TJP1: variants seen among roughly 807,000 people sequenced by gnomAD.
TJP1 encodes the protein tight junction protein ZO-1.
TJP1 carries 43 observed loss-of-function variants against 194.2 expected under a neutral mutation model. That is an observed-to-expected ratio of 0.22 (90% CI 0.17 to 0.29). The LOEUF (loss-of-function observed/expected upper bound fraction) is 0.29, where lower values mean the gene tolerates loss of function less well. Ranked by LOEUF, TJP1 falls within the 10% of genes least tolerant of loss-of-function variation. The probability of loss-of-function intolerance (pLI) is 1.00; values close to 1 mark genes in which losing one functional copy is unlikely to be tolerated. For synonymous variants in TJP1, 801 were observed against 779.0 expected (o/e 1.03, Z -0.47); for missense variants, 1,971 against 2,185.7 (o/e 0.90, Z 1.96).
At chr15:29,888,216 G>A (rs1828850224) in intron 2 of TJP1, among the ~76,000 whole-genome samples, 1 of 151,766 alleles carries the variant, frequency 6.6e-6, no homozygotes, top group Admixed American at 6.6e-5. Context: ...ATATATGAAA[G>A]TATTAAAATA....
At chr15:29,965,596 C>T (rs1006040925) in intron 1 of TJP1, among the ~76,000 whole-genome samples, 1 of 152,214 alleles carries the variant, frequency 6.6e-6, no homozygotes, top group Non-Finnish European at 1.5e-5. Flanking sequence ...CCACCCACCA[C>T]TCTAGAGTCA....
At chr15:29,800,370 TAC>T (rs2048703251) in intron 2 of TJP1, 1 of 440,916 alleles carries the variant, frequency 2.3e-6, no homozygotes, top group East Asian at 4.2e-5. Flanking sequence ...TATACTAATG[TAC>T]AGAGTCTTTT....
chr15:29,825,781 C>G (rs970907757), upstream of TJP1, among the ~76,000 whole-genome samples: 1 of 152,132 alleles, frequency 6.6e-6, no homozygotes, highest in Non-Finnish European at 1.5e-5. Flanking sequence ...AGCACTTTAT[C>G]AAGATGTTAT....
At chr15:29,880,028 A>T (rs1278393927) in intron 2 of TJP1, among the ~76,000 whole-genome samples, 38 of 152,356 alleles carry the variant, frequency 2.5e-4, no homozygotes, top group Non-Finnish European at 1.2e-4. Flanking sequence ...CCTCAAAAAA[A>T]TTATCATTAG....
intron 2 of TJP1, among the ~76,000 whole-genome samples, chr15:29,873,479 T>G (rs574564409): frequency 3.9e-5 from 6 of 152,348 alleles, no homozygotes; most frequent in African/African-American, 1.2e-4. Context: ...CTGCTACAAC[T>G]CTGTGTGCAA....
At chr15:29,803,507 G>T (rs572302132) in intron 1 of TJP1, among the ~76,000 whole-genome samples, 1 of 152,234 alleles carries the variant, frequency 6.6e-6, no homozygotes, top group Non-Finnish European at 1.5e-5. Flanking sequence ...TGTATTAAAT[G>T]CATTTTTGAC....
At chr15:29,864,336 G>C (rs529579693) in intron 2 of TJP1, among the ~76,000 whole-genome samples, 9 of 149,164 alleles carry the variant, frequency 6.0e-5, no homozygotes, top group African/African-American at 2.2e-4. Flanking sequence ...GGGTGAACCC[G>C]GGAGTCAGTA....
In TJP1 at chr15:29,775,326, G is replaced by GA. The variant is rs11331546; in HGVS notation, c.85-1970dup. ...AGGCGAAAGTCCTCCATTTAATACA[G>GA]AAAAAAAAAAAAAAATATGCTGAGG... On this transcript the variant is annotated intron_variant, in intron 2 of 27. Coordinates refer to ENST00000614355, the MANE Select transcript of TJP1 (RefSeq NM_001330239.4). Among the ~76,000 whole-genome samples, 468 of 145,134 alleles carry GA rather than the reference G, an allele frequency of 3.2e-3. 2 individuals carry two copies. The highest frequency in any genetic ancestry group is 0.011 in the African/African-American group (449 of 39,614).
At chr15:29,821,961 G>A in intron 1 of TJP1, 41 bp downstream of exon 1, 1 of 1,229,294 alleles carries the variant, frequency 8.1e-7, no homozygotes. Flanking sequence ...GGGCGGCGAC[G>A]GTCGGCCCGG....
intron 3 of TJP1, 48 bp from the exon 4 acceptor site, chr15:29,772,214 G>T: frequency 8.6e-7 from 1 of 1,165,916 alleles, no homozygotes; most frequent in Non-Finnish European, 1.2e-6. Context: ...AAACATTCTG[G>T]TAAGTTTATG....
intron 2 of TJP1, among the ~76,000 whole-genome samples, chr15:29,850,522 AG>A (rs1394499149): frequency 6.6e-6 from 1 of 151,762 alleles, no homozygotes; most frequent in Non-Finnish European, 1.5e-5. Context: ...TTTTTAGTAG[AG>A]ACAGGGTTTC....
At position 29,742,507 on chromosome 15, in the gene TJP1, C is replaced by T. The variant is rs1012292989; in HGVS notation, c.1150+135G>A. On this transcript the variant is annotated intron_variant, in intron 9 of 27. Coordinates refer to ENST00000614355, the MANE Select transcript of TJP1 (RefSeq NM_001330239.4). Reference sequence around the variant, plus strand: ...GCCAACCTGCTACCCATAAGGAAAACGCTGGAAGTCATATGCAGACAAATT... The same window carrying T: ...GCCAACCTGCTACCCATAAGGAAAATGCTGGAAGTCATATGCAGACAAATT... 1.7e-5 allele frequency: 17 copies of T among 1,017,264 alleles called. No individual in the cohort carries two copies. In the African/African-American group the frequency reaches 1.8e-4, roughly 11 times the overall value. 63.0% of individuals were successfully genotyped at this position (1,017,264 alleles called of 1,614,324 possible).
intron 2 of TJP1, among the ~76,000 whole-genome samples, chr15:29,894,615 C>T (rs902260175): frequency 6.6e-6 from 1 of 152,196 alleles, no homozygotes; most frequent in Non-Finnish European, 1.5e-5. Context: ...CAGAGCACAC[C>T]TATTGCGAGC....
upstream of TJP1, among the ~76,000 whole-genome samples, chr15:29,969,028 C>G (rs565188129): frequency 4.0e-4 from 59 of 146,990 alleles, 1 homozygote; most frequent in South Asian, 0.011. Flanking sequence ...CCTTCCACCC[C>G]TGCAGGCCGT....
intron 2 of TJP1, among the ~76,000 whole-genome samples, chr15:29,849,204 T>G (rs899406330): frequency 3.9e-5 from 6 of 152,128 alleles, no homozygotes; most frequent in Non-Finnish European, 7.3e-5. Context: ...CATACAGCAC[T>G]TCTACCTTTC....
At chr15:29,720,085 A>G (rs763358615) in intron 19 of TJP1, 69 bp from the exon 20 acceptor site, 66 of 1,511,586 alleles carry the variant, frequency 4.4e-5, no homozygotes, top group Non-Finnish European at 5.6e-5. Flanking sequence ...TTCAATTTAT[A>G]GTGATTGGTA....
In TJP1 at chr15:29,822,002, CT is replaced by C; in HGVS notation, c.26del (p.Lys9ArgfsTer16). The part of the protein sequence containing the change: MSARAAAA[K>X]STAMEETAIW... ...CCCTGGCGGCCGCGGAGGCGCTCACCTTGGCGGCCGCAGCTCTGGCGGACAT... is the reference window on the plus strand; with the variant it reads ...CCCTGGCGGCCGCGGAGGCGCTCACCTGGCGGCCGCAGCTCTGGCGGACAT... On this transcript the variant is annotated frameshift_variant and splice_region_variant, in exon 1 of 28. Coordinates refer to ENST00000614355, the MANE Select transcript of TJP1 (RefSeq NM_001330239.4). LOFTEE classifies it high-confidence loss of function. 1.5e-6 allele frequency: 2 copies of C among 1,343,170 alleles called. No homozygotes were observed. Among genetic ancestry groups the C allele is most frequent in the South Asian group, 2.1e-5 (1 of 48,358 alleles). 83.2% of individuals were successfully genotyped at this position (1,343,170 alleles called of 1,614,324 possible). A position where few individuals can be genotyped will look rare whatever the true frequency, so the allele number is the denominator to read the frequency against.
chr15:29,928,045 T>C (rs888200730), intron 2 of TJP1, among the ~76,000 whole-genome samples: 19 of 152,206 alleles, frequency 1.2e-4, no homozygotes, highest in African/African-American at 4.3e-4. Flanking sequence ...CAATTTATTT[T>C]TACATTTTTT....
chr15:29,825,551 C>T (rs1422767650), upstream of TJP1, among the ~76,000 whole-genome samples: 1 of 152,078 alleles, frequency 6.6e-6, no homozygotes, highest in South Asian at 2.1e-4. Context: ...AATAAAACAG[C>T]CTTGACCAAA....
Sources: gnomAD v4.1 joint callset for allele counts (sites outside exome capture counted in the v4.1 genomes callset) on GRCh38, gnomAD v4.1.1 for gene constraint, MANE v1.5 for transcripts, NCBI Gene and HGNC (gene_info 2026-07-23, HGNC 2026-07-21) for gene names.